ADGRL4: variants seen among roughly 807,000 people sequenced by gnomAD.
The protein encoded by ADGRL4 is EGF, latrophilin and seven transmembrane domain containing 1.
In ADGRL4, 90 loss-of-function variants were observed where a neutral mutation model predicts 74.8. The observed-to-expected ratio is 1.20, with a 90% CI of 1.02 to 1.43. The LOEUF (loss-of-function observed/expected upper bound fraction) is 1.43. ADGRL4 is among the 40% of genes most tolerant of loss of function. The pLI is 0.00. For missense variants in ADGRL4, 881 were observed against 814.3 expected (o/e 1.08, Z -1.00); for synonymous variants, 311 against 279.2 (o/e 1.11, Z -1.14).
intron 2 of ADGRL4, among the ~76,000 whole-genome samples, chr1:78,999,843 C>CTATCTATCTAT: frequency 1.7e-5 from 2 of 119,708 alleles, no homozygotes; most frequent in East Asian, 2.4e-4. Flanking sequence ...TATCTATCTA[C>CTATCTATCTAT]CTACCTACCT....
At chr1:78,899,282 G>A (rs1431938722) in intron 12 of ADGRL4, among the ~76,000 whole-genome samples, 1 of 152,138 alleles carries the variant, frequency 6.6e-6, no homozygotes, top group African/African-American at 2.4e-5. Flanking sequence ...TCTACTGACT[G>A]GCCTACTGAA....
intron 7 of ADGRL4, among the ~76,000 whole-genome samples, chr1:78,930,218 G>A (rs1024357774): frequency 2.0e-5 from 3 of 149,260 alleles, no homozygotes; most frequent in Admixed American, 2.0e-4. Flanking sequence ...TCTCATATAG[G>A]TAAAAATATA....
intron 12 of ADGRL4, among the ~76,000 whole-genome samples, chr1:78,910,467 G>A (rs1648739166): frequency 6.6e-6 from 1 of 151,714 alleles, no homozygotes; most frequent in South Asian, 2.1e-4. Flanking sequence ...AAACCTCACA[G>A]TTTTTAAATA....
intron 2 of ADGRL4, among the ~76,000 whole-genome samples, chr1:78,946,725 TGTCAACAA>T (rs1649609794): frequency 6.6e-6 from 1 of 152,168 alleles, no homozygotes; most frequent in Non-Finnish European, 1.5e-5. Context: ...ATTATAACCA[TGTCAACAA>T]ATATAAGCTC....
At chr1:78,938,309 A>G (rs772549066) in intron 4 of ADGRL4, 30 bp from the exon 5 acceptor site, 208 of 1,519,500 alleles carry the variant, frequency 1.4e-4, no homozygotes, top group Middle Eastern at 2.4e-4. Context: ...GAAAAAGGAA[A>G]CTAAATTAGT....
intron 12 of ADGRL4, among the ~76,000 whole-genome samples, chr1:78,895,175 TG>T (rs1223814308): frequency 6.6e-6 from 1 of 151,842 alleles, no homozygotes; most frequent in Non-Finnish European, 1.5e-5. Flanking sequence ...GATTAAAACA[TG>T]TTTATCAAAA....
intron 2 of ADGRL4, among the ~76,000 whole-genome samples, chr1:78,985,668 G>A (rs1650479131): frequency 6.6e-6 from 1 of 151,746 alleles, no homozygotes; most frequent in Non-Finnish European, 1.5e-5. Flanking sequence ...TCAAAAGATA[G>A]GGGTAGGAAA....
chr1:78,946,557 GT>G, intron 2 of ADGRL4, 131 bp from the exon 3 acceptor site: 1 of 681,566 alleles, frequency 1.5e-6, no homozygotes, highest in Non-Finnish European at 2.3e-6. Flanking sequence ...ACAAACCTTA[GT>G]GCTAAAGAAT....
chr1:78,965,555 T>C (rs762846910), intron 2 of ADGRL4, among the ~76,000 whole-genome samples: 8 of 152,178 alleles, frequency 5.3e-5, no homozygotes, highest in Non-Finnish European at 1.2e-4. Context: ...AAAGTATAAC[T>C]AGAAACTTCT....
chr1:78,896,921 C>G (rs760708732), intron 12 of ADGRL4, among the ~76,000 whole-genome samples: 3 of 152,120 alleles, frequency 2.0e-5, no homozygotes, highest in Non-Finnish European at 4.4e-5. Context: ...TTCTCCAGTA[C>G]CCCATGCACC....
intron 3 of ADGRL4, among the ~76,000 whole-genome samples, chr1:78,944,727 T>C (rs1206505186): frequency 6.6e-6 from 1 of 152,216 alleles, no homozygotes; most frequent in Non-Finnish European, 1.5e-5. Context: ...GCCTTACCTT[T>C]ATCCAAAATG....
intron 8 of ADGRL4, among the ~76,000 whole-genome samples, chr1:78,924,195 G>A (rs979252842): frequency 1.3e-5 from 2 of 151,870 alleles, no homozygotes. Context: ...GATCTAGAAA[G>A]ATCTGAGAAA....
rs372765861 is a variant in ADGRL4, at chr1:78,935,919, C to T, written c.877+376G>A. On this transcript the variant is annotated intron_variant, in intron 7 of 14. Transcript: ENST00000370742. ...CGGGCGGATCACGAGGTCAGGAGATCGAGACCATCCTGGCTAACACGGTGA... is the reference window on the plus strand; with the variant it reads ...CGGGCGGATCACGAGGTCAGGAGATTGAGACCATCCTGGCTAACACGGTGA... 1.5e-4 allele frequency among the ~76,000 whole-genome samples: 4 copies of T among 25,990 alleles called. 1 individual carries two copies. Among genetic ancestry groups the T allele is most frequent in the Non-Finnish European group, 2.0e-4 (2 of 9,860 alleles). The allele number at this position is 25,990 out of a possible 152,430, so 17.1% of individuals were successfully genotyped here.
At chr1:79,002,143 T>C (rs1009806681) in intron 2 of ADGRL4, among the ~76,000 whole-genome samples, 1 of 152,066 alleles carries the variant, frequency 6.6e-6, no homozygotes, top group Non-Finnish European at 1.5e-5. Flanking sequence ...ATAAGATAAA[T>C]GCATGAAAAT....
At chr1:78,949,269 AC>A (rs1649674724) in intron 2 of ADGRL4, among the ~76,000 whole-genome samples, 1 of 152,148 alleles carries the variant, frequency 6.6e-6, no homozygotes, top group South Asian at 2.1e-4. Context: ...ATGTTGCTTA[AC>A]CCTGAAATAT....
At chr1:78,900,707 C>G (rs1648498980) in intron 12 of ADGRL4, among the ~76,000 whole-genome samples, 1 of 152,114 alleles carries the variant, frequency 6.6e-6, no homozygotes, top group Non-Finnish European at 1.5e-5. Flanking sequence ...TGAAGACGTA[C>G]TTGCTTTTCC....
rs772439168 is a variant in ADGRL4 at position 78,927,012 on chromosome 1, A to G, written c.957T>C (p.Pro319=). The change falls in exon 8 of 15, where the codon CCT becomes CCC. Residue 319 remains proline (P), a synonymous_variant. Transcript: ENST00000370742. ...LSSSDNFLLK[P]QNYDNSEEEE... ...CCTCTTCAGAATTATCATAATTTTG[A>G]GGTTTCAATAAGAAGTTGTCAGATG... is the stretch of plus-strand genomic sequence containing the variant. The G allele has an allele frequency of 8.1e-6, 13 of 1,611,260 alleles. No homozygotes were observed. The highest frequency in any genetic ancestry group is 1.0e-5 in the Non-Finnish European group (12 of 1,178,132).
chr1:78,912,447 A>C (rs907756422), intron 12 of ADGRL4, among the ~76,000 whole-genome samples: 1 of 151,818 alleles, frequency 6.6e-6, no homozygotes, highest in Non-Finnish European at 1.5e-5. Flanking sequence ...ATCCTGTCAA[A>C]TCATCAGCAG....
intron 2 of ADGRL4, among the ~76,000 whole-genome samples, chr1:78,974,629 G>T (rs1419102647): frequency 1.3e-5 from 2 of 152,116 alleles, no homozygotes; most frequent in Non-Finnish European, 2.9e-5. Context: ...GCTAAAATGT[G>T]TCAGCTGGGT....
Sources: gnomAD v4.1 joint callset for allele counts (sites outside exome capture counted in the v4.1 genomes callset) on GRCh38, gnomAD v4.1.1 for gene constraint, MANE v1.5 for transcripts, NCBI Gene and HGNC (gene_info 2026-07-23, HGNC 2026-07-21) for gene names.